The following RPS3 variants were observed in gnomAD, a reference collection of about 807,000 sequenced individuals.
RPS3 encodes ribosomal protein S3, also known as small ribosomal subunit protein uS3.
A neutral mutation model predicts 25.8 loss-of-function variants in RPS3; 2 were observed. The ratio of observed to expected loss-of-function variants is 0.08; its 90% CI spans 0.03 to 0.24. The LOEUF is 0.24. Ranked by LOEUF, RPS3 falls within the 10% of genes least tolerant of loss-of-function variation. The pLI, the probability that RPS3 is intolerant of heterozygous loss-of-function variation, is 1.00. For missense variants in RPS3, 107 were observed against 307.1 expected, an observed-to-expected ratio of 0.35 and a Z score of 4.87; for synonymous variants, 114 against 114.2, an observed-to-expected ratio of 1.00 and a Z score of 0.01.
At chr11:75,419,680 T>A (rs188632958) in intron 6 of RPS3, among the ~76,000 whole-genome samples, 1 of 152,112 alleles carries the variant, frequency 6.6e-6, no homozygotes, top group African/African-American at 2.4e-5. Context: ...CTAGCCCAGG[T>A]TGGAGTATAG....
chr11:75,406,649 T>G lies in RPS3; in HGVS notation c.*1039T>G, dbSNP rs1948292083. The G allele has an allele frequency of 6.6e-6, 1 of 152,182 alleles. No homozygotes were observed. The allele number at this position is 152,182 out of a possible 1,614,324, so 9.4% of individuals were successfully genotyped here. On this transcript the variant is annotated 3_prime_UTR_variant, in exon 7 of 7. Coordinates refer to ENST00000531188, the MANE Select transcript of RPS3 (RefSeq NM_001005.5). Reference sequence around the variant, plus strand: ...CCTTCCTTTTTGACTCATAAATTGGTCATCTTAACCATTTAAGTGTACACT... The same window carrying G: ...CCTTCCTTTTTGACTCATAAATTGGGCATCTTAACCATTTAAGTGTACACT...
At chr11:75,410,582 G>A (rs368785622), downstream of RPS3, among the ~76,000 whole-genome samples, 4 of 152,154 alleles carry the variant, frequency 2.6e-5, no homozygotes, top group African/African-American at 9.7e-5. Context: ...CTTCCCAGAC[G>A]GGGTGGCGGC....
downstream of RPS3, among the ~76,000 whole-genome samples, chr11:75,407,746 C>G (rs1043359166): frequency 6.6e-6 from 1 of 152,208 alleles, no homozygotes; most frequent in African/African-American, 2.4e-5. Flanking sequence ...GGATTACAGG[C>G]GTGAGCCACC....
At chr11:75,410,830 A>C (rs146420100), downstream of RPS3, among the ~76,000 whole-genome samples, 892 of 152,234 alleles carry the variant, frequency 5.9e-3, 35 homozygotes, top group East Asian at 0.1. Flanking sequence ...CCAAAAAAAA[A>C]CGAAAACCAT....
In RPS3 at chr11:75,404,405, T is replaced by C. The variant is rs973614261; in HGVS notation, c.538+198T>C. ...TCCAAGAGTTGGTTTGTCCTTGTTT[T>C]AGCCATCTGTGTACCCTTCAGTGAT... is the stretch of plus-strand genomic sequence containing the variant. On this transcript the variant is annotated intron_variant, in intron 5 of 6. Coordinates refer to ENST00000531188, the MANE Select transcript of RPS3 (RefSeq NM_001005.5). This position sits in a 1 kb window ranked among gnomAD's most constrained non-coding sequence, Gnocchi z 4.6. The C allele has an allele frequency of 5.1e-6, 4 of 784,360 alleles. No homozygotes were observed. The highest frequency in any genetic ancestry group is 1.7e-5 in the African/African-American group (1 of 59,094). The allele number at this position is 784,360 out of a possible 1,614,324, so 48.6% of individuals were successfully genotyped here.
chr11:75,405,020 G>A (rs1948265325), intron 6 of RPS3, 152 bp downstream of exon 6: 1 of 551,286 alleles, frequency 1.8e-6, no homozygotes, highest in Admixed American at 3.5e-5. Context: ...GAAACCTGGG[G>A]TCTATTTAAC....
chr11:75,407,468 T>G (rs145923951), downstream of RPS3, among the ~76,000 whole-genome samples: 1 of 151,306 alleles, frequency 6.6e-6, no homozygotes, highest in East Asian at 2.0e-4. Context: ...CCGCAAATTA[T>G]TTTTTATTAT....
At chr11:75,399,636 C>T (rs7131286) in intron 1 of RPS3, 59 bp downstream of exon 1, 269,330 of 1,512,568 alleles carry the variant, frequency 0.18, 28,841 homozygotes, top group African/African-American at 0.49. Context: ...GAGGGCTTCT[C>T]GGGGTGCCAC....
At chr11:75,414,939 C>T (rs2135069492) in intron 6 of RPS3, among the ~76,000 whole-genome samples, 1 of 152,292 alleles carries the variant, frequency 6.6e-6, no homozygotes, top group Non-Finnish European at 1.5e-5. Flanking sequence ...TGCTGAAGCC[C>T]ACAGCGTAAT....
intron 6 of RPS3, among the ~76,000 whole-genome samples, chr11:75,418,442 G>T (rs1181887297): frequency 6.6e-6 from 1 of 152,020 alleles, no homozygotes; most frequent in African/African-American, 2.4e-5. Context: ...ATGGAAAAAA[G>T]TTATTTTAAA....
At chr11:75,411,012 G>C (rs1326693576), downstream of RPS3, among the ~76,000 whole-genome samples, 1 of 152,148 alleles carries the variant, frequency 6.6e-6, no homozygotes, top group African/African-American at 2.4e-5. Flanking sequence ...AAGTAGCTGG[G>C]ACTACAGGTG....
chr11:75,409,150 TTTTATTTTTATTTTA>T (rs1341288436), downstream of RPS3, among the ~76,000 whole-genome samples: 2 of 151,268 alleles, frequency 1.3e-5, no homozygotes, highest in Non-Finnish European at 2.9e-5. Context: ...TCTGACTAAT[TTTTATTTTTATTTTA>T]TTTATTATTA....
At chr11:75,412,227 G>A (rs910798845) in intron 6 of RPS3, among the ~76,000 whole-genome samples, 6 of 152,198 alleles carry the variant, frequency 3.9e-5, no homozygotes, top group African/African-American at 1.2e-4. Flanking sequence ...GGCTCTTGCT[G>A]TTGTGGACTG....
At chr11:75,416,562 G>A (rs1359829000) in intron 6 of RPS3, among the ~76,000 whole-genome samples, 2 of 150,248 alleles carry the variant, frequency 1.3e-5, no homozygotes, top group Non-Finnish European at 3.0e-5. Flanking sequence ...GGGTTCAAGT[G>A]ATTCTCATGC....
chr11:75,418,111 T>TC (rs1948414067), intron 6 of RPS3, among the ~76,000 whole-genome samples: 1 of 152,170 alleles, frequency 6.6e-6, no homozygotes, highest in African/African-American at 2.4e-5. Flanking sequence ...GTCTGCCCCA[T>TC]CCCTAAGGCC....
At chr11:75,410,561 G>C (rs1236892188), downstream of RPS3, among the ~76,000 whole-genome samples, 1 of 152,166 alleles carries the variant, frequency 6.6e-6, no homozygotes, top group African/African-American at 2.4e-5. Flanking sequence ...GCCAGGCAGA[G>C]ACGCTCCTCA....
intron 1 of RPS3, chr11:75,399,785 A>G: frequency 1.7e-6 from 1 of 574,316 alleles, no homozygotes. Context: ...AGTGAAGCGC[A>G]GAGAGATGGG....
intron 6 of RPS3, among the ~76,000 whole-genome samples, chr11:75,415,907 C>T (rs1462271044): frequency 4.9e-5 from 7 of 143,288 alleles, no homozygotes; most frequent in Admixed American, 2.2e-4. Flanking sequence ...ACCCAGAAGG[C>T]GGAGGTTGCA....
downstream of RPS3, among the ~76,000 whole-genome samples, chr11:75,411,441 G>A (rs1169757847): frequency 6.6e-6 from 1 of 152,072 alleles, no homozygotes; most frequent in Non-Finnish European, 1.5e-5. Flanking sequence ...CCAGGCTGGA[G>A]TGCAGTGGCG....
Sources: allele counts gnomAD v4.1 joint callset (sites outside exome capture counted in the v4.1 genomes callset), GRCh38; gene constraint gnomAD v4.1.1; non-coding constraint Gnocchi (gnomAD v3.1); transcripts MANE v1.5; gene names NCBI Gene and HGNC (gene_info 2026-07-23, HGNC 2026-07-21).